The following TMEM114 variants were observed in gnomAD, a reference collection of about 807,000 sequenced individuals.
TMEM114 encodes the protein claudin-26.
Under a neutral mutation model 6.2 loss-of-function variants are expected in TMEM114, and 6 were observed. The observed-to-expected ratio is 0.97, with a 90% CI of 0.53 to 1.91. TMEM114 has a LOEUF of 1.91. Ranked by LOEUF, TMEM114 falls within the 40% of genes most tolerant of loss-of-function variation. The pLI, the probability that TMEM114 is intolerant of heterozygous loss-of-function variation, is 0.01. For synonymous variants in TMEM114, 104 were observed against 73.0 expected (o/e 1.42, Z -2.16); for missense variants, 218 against 158.3 (o/e 1.38, Z -2.02).
chr16:8,561,831 A>T (rs539665507), intron 2 of TMEM114, among the ~76,000 whole-genome samples: 1 of 152,032 alleles, frequency 6.6e-6, no homozygotes, highest in Non-Finnish European at 1.5e-5. Flanking sequence ...TGAATGAGTG[A>T]GTGAATGAGT....
At chr16:8,552,280 G>C (rs549391266) in intron 2 of TMEM114, among the ~76,000 whole-genome samples, 1 of 152,102 alleles carries the variant, frequency 6.6e-6, no homozygotes, top group East Asian at 1.9e-4. Context: ...GCTACTACGG[G>C]GGCTAAGGTG....
downstream of TMEM114, among the ~76,000 whole-genome samples, chr16:8,568,495 G>A (rs1901618588): frequency 6.6e-6 from 1 of 152,194 alleles, no homozygotes; most frequent in Admixed American, 6.5e-5. Context: ...CTGACCGACT[G>A]GCATGGAGAA....
chr16:8,532,867 T>C (rs1328482423), downstream of TMEM114, among the ~76,000 whole-genome samples: 1 of 151,954 alleles, frequency 6.6e-6, no homozygotes, highest in Admixed American at 6.6e-5. Flanking sequence ...GAGCTTGCAG[T>C]GAGCCGAGAT....
At chr16:8,569,433 G>C (rs1443320933), downstream of TMEM114, 2 of 1,134,690 alleles carry the variant, frequency 1.8e-6, no homozygotes, top group Non-Finnish European at 2.2e-6. Flanking sequence ...CTGATCCAAG[G>C]GACATGGGTG....
chr16:8,542,002 G>T (rs1900528765), intron 2 of TMEM114, among the ~76,000 whole-genome samples: 1 of 152,168 alleles, frequency 6.6e-6, no homozygotes, highest in Non-Finnish European at 1.5e-5. Context: ...ACCCTGCGAG[G>T]CAGCTTTCAC....
At chr16:8,545,270 T>C (rs541933302) in intron 2 of TMEM114, among the ~76,000 whole-genome samples, 50 of 152,212 alleles carry the variant, frequency 3.3e-4, no homozygotes, top group African/African-American at 8.2e-4. Flanking sequence ...AGAGCCCTTA[T>C]CTACAAAAAA....
At chr16:8,565,752 G>A (rs967626858), downstream of TMEM114, among the ~76,000 whole-genome samples, 11 of 152,264 alleles carry the variant, frequency 7.2e-5, no homozygotes, top group Admixed American at 7.2e-4. Flanking sequence ...TACCTCCCCT[G>A]CACAGCAGAA....
downstream of TMEM114, among the ~76,000 whole-genome samples, chr16:8,533,049 T>C (rs1279772137): frequency 6.6e-6 from 1 of 152,036 alleles, no homozygotes; most frequent in African/African-American, 2.4e-5. Context: ...ATAAATAAAG[T>C]CCCTACCATA....
chr16:8,564,609 ATGAG>A (rs140354716), downstream of TMEM114, among the ~76,000 whole-genome samples: 5 of 93,992 alleles, frequency 5.3e-5, no homozygotes, highest in Admixed American at 2.1e-4. Flanking sequence ...GAGGGAGGGA[ATGAG>A]TGAGTGAATG....
At position 8,570,005 on chromosome 16, in the gene TMEM114, G is replaced by A. The variant is rs141472774; in HGVS notation, c.440C>T (p.Ala147Val). 8,326 of 1,547,744 alleles carry A rather than the reference G, an allele frequency of 5.4e-3. 47 individuals carry two copies. The highest frequency in any genetic ancestry group is 0.018 in the Middle Eastern group (106 of 5,972). The change falls in exon 4 of 4, where the codon GCC becomes GTC. Residue 147 changes from alanine (A) to valine (V), a missense_variant and splice_region_variant. Coordinates refer to ENST00000620492, the MANE Select transcript of TMEM114 (RefSeq NM_001146336.2). Reference protein sequence around the residue: ...LLTGILFLFGAMVTLAGISVY... With the variant: ...LLTGILFLFGVMVTLAGISVY... ...GCTGATCCCAGCGAGGGTCACCATG[G>A]CTGCAGGGAGGGCAAAGGGAGAGCA...
chr16:8,585,485 C>T (rs992767926), intron 2 of TMEM114, among the ~76,000 whole-genome samples: 1 of 152,182 alleles, frequency 6.6e-6, no homozygotes, highest in Admixed American at 6.5e-5. Context: ...AGAGAACATG[C>T]TGCTTGTCGA....
At chr16:8,568,623 T>C (rs1456223197), downstream of TMEM114, among the ~76,000 whole-genome samples, 2 of 152,198 alleles carry the variant, frequency 1.3e-5, no homozygotes, top group African/African-American at 4.8e-5. Flanking sequence ...GATAATCGTG[T>C]TGTCATCTTT....
chr16:8,527,755 C>T, the TMEM114 span, among the ~76,000 whole-genome samples: 3 of 152,160 alleles, frequency 2.0e-5, no homozygotes, highest in East Asian at 5.8e-4. Flanking sequence ...CAAACAGCTA[C>T]TAAAGAGGAT....
At chr16:8,550,760 G>A (rs1312160075) in intron 2 of TMEM114, among the ~76,000 whole-genome samples, 2 of 150,818 alleles carry the variant, frequency 1.3e-5, no homozygotes, top group Non-Finnish European at 2.9e-5. Flanking sequence ...CAGCTCTTGG[G>A]GCTCTGAATG....
chr16:8,552,879 C>T (rs1900889358), intron 2 of TMEM114, among the ~76,000 whole-genome samples: 1 of 152,184 alleles, frequency 6.6e-6, no homozygotes, highest in Non-Finnish European at 1.5e-5. Context: ...TCCCAGGGCC[C>T]ACCGAGCTGT....
At chr16:8,559,607 C>T (rs1001385909) in intron 2 of TMEM114, among the ~76,000 whole-genome samples, 2 of 152,136 alleles carry the variant, frequency 1.3e-5, no homozygotes, top group Admixed American at 1.3e-4. Context: ...GTCATCAAAG[C>T]GTTGTTTCTC....
At chr16:8,582,565 A>C (rs1042140086) in intron 2 of TMEM114, among the ~76,000 whole-genome samples, 9 of 152,194 alleles carry the variant, frequency 5.9e-5, no homozygotes, top group African/African-American at 2.2e-4. Context: ...AACTATACTC[A>C]GAGTTGCATT....
At chr16:8,541,177 A>G (rs756442431) in intron 2 of TMEM114, among the ~76,000 whole-genome samples, 7 of 152,184 alleles carry the variant, frequency 4.6e-5, no homozygotes, top group Non-Finnish European at 8.8e-5. Flanking sequence ...TCATGACAAT[A>G]CCATGAAGTT....
intron 2 of TMEM114, among the ~76,000 whole-genome samples, chr16:8,559,862 G>A (rs1596476267): frequency 6.6e-6 from 1 of 152,184 alleles, no homozygotes; most frequent in African/African-American, 2.4e-5. Flanking sequence ...TCCCCATGGG[G>A]CTCTTTAGAC....
Sources: gnomAD v4.1 joint callset for allele counts (sites outside exome capture counted in the v4.1 genomes callset) on GRCh38, gnomAD v4.1.1 for gene constraint, MANE v1.5 for transcripts, NCBI Gene and HGNC (gene_info 2026-07-23, HGNC 2026-07-21) for gene names.